Variants in CSGALNACT2 observed in about 807,000 individuals in gnomAD.
CSGALNACT2 encodes the protein beta 4 GalNAcT-2.
Under a neutral mutation model 55.3 loss-of-function variants are expected in CSGALNACT2, and 35 were observed. The observed-to-expected ratio is 0.63, with a 90% CI of 0.48 to 0.84. CSGALNACT2 has a LOEUF of 0.84. Among genes scored for constraint, CSGALNACT2 ranks in the 40% least tolerant of loss-of-function variants. The pLI is 0.00. For missense variants in CSGALNACT2, 544 were observed against 657.5 expected (o/e 0.83, Z 1.89); for synonymous variants, 196 against 224.9 (o/e 0.87, Z 1.15).
chr10:43,158,625 C>A (rs1003294861), intron 2 of CSGALNACT2, 90 bp from the exon 3 acceptor site: 2 of 742,284 alleles, frequency 2.7e-6, no homozygotes, highest in Admixed American at 2.3e-5. Context: ...AGTTTAATAC[C>A]CTTTATGTTT....
At chr10:43,172,285 T>C (rs1287101821) in intron 6 of CSGALNACT2, among the ~76,000 whole-genome samples, 2 of 152,046 alleles carry the variant, frequency 1.3e-5, no homozygotes, top group Non-Finnish European at 2.9e-5. Flanking sequence ...AAAATGTAAA[T>C]ACAGCCGTGT....
chr10:43,182,890 A>C (rs961464213), intron 7 of CSGALNACT2, among the ~76,000 whole-genome samples: 17 of 152,120 alleles, frequency 1.1e-4, no homozygotes, highest in South Asian at 2.1e-4. Context: ...AAAAAACAAA[A>C]AAAAAAAGAA....
At chr10:43,163,129 C>A (rs1019872235) in intron 4 of CSGALNACT2, 92 of 985,212 alleles carry the variant, frequency 9.3e-5, no homozygotes, top group Non-Finnish European at 1.0e-4. Flanking sequence ...TTTTGAATGA[C>A]CTTTACACTC....
intron 2 of CSGALNACT2, 37 bp downstream of exon 2, chr10:43,155,847 T>G: frequency 6.6e-7 from 1 of 1,514,030 alleles, no homozygotes; most frequent in Non-Finnish European, 9.0e-7. Context: ...ATTATGTTAG[T>G]AAGACAAATG....
At chr10:43,141,624 CAAAAAAAAAAAAA>C (rs58889701) in intron 1 of CSGALNACT2, among the ~76,000 whole-genome samples, 5 of 68,902 alleles carry the variant, frequency 7.3e-5, no homozygotes, top group South Asian at 1.5e-3. Flanking sequence ...GAAACTGTCT[CAAAAAAAAAAAAA>C]AAAAAAAAAA....
At chr10:43,150,574 A>C (rs1315335857) in intron 1 of CSGALNACT2, among the ~76,000 whole-genome samples, 2 of 152,206 alleles carry the variant, frequency 1.3e-5, no homozygotes, top group African/African-American at 4.8e-5. Context: ...GTTTTCAAAG[A>C]GTAATCTGTC....
chr10:43,180,234 C>T (rs1478553346), intron 7 of CSGALNACT2, among the ~76,000 whole-genome samples: 4 of 152,160 alleles, frequency 2.6e-5, no homozygotes, highest in Non-Finnish European at 5.9e-5. Context: ...TCCTGGTATT[C>T]CCATTATACA....
chr10:43,143,217 G>A (rs1194648615), intron 1 of CSGALNACT2, among the ~76,000 whole-genome samples: 2 of 152,196 alleles, frequency 1.3e-5, no homozygotes, highest in Non-Finnish European at 2.9e-5. Context: ...ACACCATTTT[G>A]TAGGTACTAT....
chr10:43,152,442 T>C (rs1260056996), intron 1 of CSGALNACT2, among the ~76,000 whole-genome samples: 1 of 152,192 alleles, frequency 6.6e-6, no homozygotes, highest in Non-Finnish European at 1.5e-5. Flanking sequence ...TCTGAAGTAA[T>C]TACAGTATCC....
In CSGALNACT2 at chr10:43,164,252, C is replaced by G. The variant is rs539820202; in HGVS notation, c.1159+208C>G. Reference sequence around the variant, plus strand: ...ATTCATATCCTTTGTTCTCTTGGGTCCAACTTCCAGTGACTACATTTGAAG... The same window carrying G: ...ATTCATATCCTTTGTTCTCTTGGGTGCAACTTCCAGTGACTACATTTGAAG... On this transcript the variant is annotated intron_variant, in intron 5 of 7. Transcript: ENST00000374466. Among the ~76,000 whole-genome samples, 97 of 152,180 alleles carry G rather than the reference C, an allele frequency of 6.4e-4. 1 individual carries two copies. The South Asian group carries it at 0.014, about 22-fold the overall frequency.
intron 6 of CSGALNACT2, among the ~76,000 whole-genome samples, chr10:43,168,391 C>CAAT (rs1564518206): frequency 6.6e-6 from 1 of 151,946 alleles, no homozygotes; most frequent in Non-Finnish European, 1.5e-5. Context: ...GCGGAGGTTG[C>CAAT]AATGAGCCAA....
chr10:43,161,498 T>A (rs1722754294), intron 4 of CSGALNACT2, among the ~76,000 whole-genome samples: 1 of 152,218 alleles, frequency 6.6e-6, no homozygotes. Flanking sequence ...ATCATTCAAC[T>A]CACATTCATT....
chr10:43,180,650 T>C (rs1176895691), intron 7 of CSGALNACT2, among the ~76,000 whole-genome samples: 1 of 152,244 alleles, frequency 6.6e-6, no homozygotes, highest in Non-Finnish European at 1.5e-5. Context: ...TAACTTTTAG[T>C]ATACCTTGTC....
chr10:43,147,210 C>T (rs1436540649), intron 1 of CSGALNACT2, among the ~76,000 whole-genome samples: 7 of 151,668 alleles, frequency 4.6e-5, no homozygotes, highest in Non-Finnish European at 7.4e-5. Context: ...CTCCTGACCT[C>T]GTGATCCGCC....
At chr10:43,141,495 G>A (rs990773978) in intron 1 of CSGALNACT2, among the ~76,000 whole-genome samples, 1 of 151,664 alleles carries the variant, frequency 6.6e-6, no homozygotes, top group African/African-American at 2.4e-5. Flanking sequence ...GATTACAGGC[G>A]TGAGCCACCG....
chr10:43,181,412 TCCAGGCATGC>T (rs1839587003), intron 7 of CSGALNACT2, among the ~76,000 whole-genome samples: 1 of 152,220 alleles, frequency 6.6e-6, no homozygotes, highest in African/African-American at 2.4e-5. Flanking sequence ...GACTTCTAGC[TCCAGGCATGC>T]CAGACCAGAA....
chr10:43,175,665 T>C (rs1289323640), intron 6 of CSGALNACT2, among the ~76,000 whole-genome samples: 1 of 152,230 alleles, frequency 6.6e-6, no homozygotes, highest in African/African-American at 2.4e-5. Flanking sequence ...AGGTTGATCC[T>C]GTGTGTTACA....
chr10:43,151,191 G>C lies in CSGALNACT2; in HGVS notation c.-253-3706G>C, dbSNP rs11238455. 1.6e-3 allele frequency among the ~76,000 whole-genome samples: 243 copies of C among 152,006 alleles called. 14 individuals are homozygous for C. The East Asian group carries it at 0.045, about 28-fold the overall frequency. ...TAATCATTGGTCAGTTTTAATTGTTGATTTTTTTCATTATGGATCATATTT... is the reference window on the plus strand; with the variant it reads ...TAATCATTGGTCAGTTTTAATTGTTCATTTTTTTCATTATGGATCATATTT... On this transcript the variant is annotated intron_variant, in intron 1 of 7. Coordinates refer to ENST00000374466, the MANE Select transcript of CSGALNACT2 (RefSeq NM_018590.5).
chr10:43,151,595 C>T (rs1838875270), intron 1 of CSGALNACT2, among the ~76,000 whole-genome samples: 1 of 152,170 alleles, frequency 6.6e-6, no homozygotes, highest in Admixed American at 6.5e-5. Flanking sequence ...TAAGCCTTTA[C>T]TTATCAGTGC....
Sources: allele counts gnomAD v4.1 joint callset (sites outside exome capture counted in the v4.1 genomes callset), GRCh38; gene constraint gnomAD v4.1.1; transcripts MANE v1.5; gene names NCBI Gene and HGNC (gene_info 2026-07-23, HGNC 2026-07-21).